MTURN: variants seen among roughly 807,000 people sequenced by gnomAD.
MTURN encodes the protein maturin, neural progenitor differentiation regulator homolog.
A neutral mutation model predicts 14.9 loss-of-function variants in MTURN; 7 were observed. That is an observed-to-expected ratio of 0.47 (90% CI 0.27 to 0.88). The LOEUF (loss-of-function observed/expected upper bound fraction) is 0.88. Ranked by LOEUF, MTURN falls within the 40% of genes least tolerant of loss-of-function variation. MTURN has a pLI of 0.14. For missense variants in MTURN, 151 were observed against 174.1 expected (o/e 0.87, Z 0.75); for synonymous variants, 69 against 72.5 (o/e 0.95, Z 0.25).
At chr7:30,143,386 A>T (rs1797083372) in intron 1 of MTURN, among the ~76,000 whole-genome samples, 1 of 142,234 alleles carries the variant, frequency 7.0e-6, no homozygotes, top group Non-Finnish European at 1.5e-5. Context: ...TGACAGACTT[A>T]ATTTTTAGTT....
At chr7:30,149,632 CTGTT>C (rs1334962275) in intron 2 of MTURN, among the ~76,000 whole-genome samples, 1 of 152,158 alleles carries the variant, frequency 6.6e-6, no homozygotes, top group African/African-American at 2.4e-5. Flanking sequence ...CACCATTTAT[CTGTT>C]TGTTTTACGT....
At chr7:30,140,415 G>GTGTGTATATATATATATATATATATATA (rs33952294) in intron 1 of MTURN, among the ~76,000 whole-genome samples, 18 of 143,814 alleles carry the variant, frequency 1.3e-4, no homozygotes, top group Non-Finnish European at 2.3e-4. Context: ...GTGTGTGTGT[G>GTGTGTATATATATATATATATATATATA]TATCCCCATT....
chr7:30,135,991 CA>C (rs1270715140), intron 1 of MTURN, among the ~76,000 whole-genome samples: 11 of 151,664 alleles, frequency 7.3e-5, no homozygotes, highest in Middle Eastern at 3.4e-3. Context: ...CACATGCTCA[CA>C]CCCTCACCCT....
chr7:30,142,463 G>A (rs763971408), intron 1 of MTURN, among the ~76,000 whole-genome samples: 1 of 152,178 alleles, frequency 6.6e-6, no homozygotes, highest in Non-Finnish European at 1.5e-5. Flanking sequence ...CAAATATGTA[G>A]TTAGCCAAAG....
rs1414154871 is a variant in MTURN at position 30,162,396 on chromosome 7, G to A, written c.*4848G>A. 2.6e-5 allele frequency: 4 copies of A among 152,366 alleles called. No homozygotes were observed. Among genetic ancestry groups the A allele is most frequent in the East Asian group, 1.9e-4 (1 of 5,188 alleles). 9.4% of individuals were successfully genotyped at this position (152,366 alleles called of 1,614,324 possible). A position where few individuals can be genotyped will look rare whatever the true frequency, so the allele number is the denominator to read the frequency against. On this transcript the variant is annotated 3_prime_UTR_variant, in exon 3 of 3. Transcript: ENST00000324453. ...ATGCTAGGGCAGATCTTCACTATCC[G>A]TGATCCAGTCTTAATTTGAGCATGA...
intron 2 of MTURN, among the ~76,000 whole-genome samples, chr7:30,157,175 A>G (rs902511123): frequency 1.3e-5 from 2 of 152,220 alleles, no homozygotes; most frequent in African/African-American, 4.8e-5. Context: ...CTCTCTGTGC[A>G]TATGTGGTGC....
At chr7:30,157,395 A>G (rs747197349) in intron 2 of MTURN, 43 bp from the exon 3 acceptor site, 9 of 1,512,472 alleles carry the variant, frequency 6.0e-6, no homozygotes, top group Middle Eastern at 3.5e-4. Flanking sequence ...CCTGTGGGCC[A>G]TTTGGCGCTC....
intron 2 of MTURN, among the ~76,000 whole-genome samples, chr7:30,152,302 T>G (rs1797223917): frequency 6.6e-6 from 1 of 152,120 alleles, no homozygotes; most frequent in Non-Finnish European, 1.5e-5. Flanking sequence ...TCAAGAAGAC[T>G]GACTGACAGA....
At chr7:30,153,897 T>C (rs1192818532) in intron 2 of MTURN, among the ~76,000 whole-genome samples, 1 of 152,096 alleles carries the variant, frequency 6.6e-6, no homozygotes, top group Non-Finnish European at 1.5e-5. Context: ...TTCATATTTT[T>C]AGTAGAGATG....
At chr7:30,151,963 G>A (rs930906044) in intron 2 of MTURN, among the ~76,000 whole-genome samples, 3 of 152,164 alleles carry the variant, frequency 2.0e-5, no homozygotes, top group African/African-American at 7.2e-5. Context: ...GGAAAATCCT[G>A]TGTCCCAGAA....
At chr7:30,146,550 G>GGC (rs141375001) in intron 2 of MTURN, among the ~76,000 whole-genome samples, 14 of 116,586 alleles carry the variant, frequency 1.2e-4, no homozygotes, top group African/African-American at 4.8e-4. Context: ...AATCCCTGAT[G>GGC]GGGGGGGAAG....
At chr7:30,136,685 T>C (rs1161835359) in intron 1 of MTURN, among the ~76,000 whole-genome samples, 3 of 152,166 alleles carry the variant, frequency 2.0e-5, no homozygotes, top group Non-Finnish European at 4.4e-5. Flanking sequence ...ACCTGGGCAT[T>C]CCACAAGTGG....
intron 2 of MTURN, among the ~76,000 whole-genome samples, chr7:30,153,864 C>T (rs190153477): frequency 1.3e-5 from 2 of 152,232 alleles, no homozygotes; most frequent in African/African-American, 4.8e-5. Context: ...ACTATAGGCA[C>T]ACGCCACCAT....
intron 1 of MTURN, among the ~76,000 whole-genome samples, chr7:30,136,009 CGCACACTCACGCGCACACGCG>C (rs1305272345): frequency 1.2e-5 from 1 of 84,258 alleles, no homozygotes; most frequent in Non-Finnish European, 2.3e-5. Context: ...CCCTCACACG[CGCACACTCACGCGCACACGCG>C]GCACGCCTCT....
At chr7:30,151,868 C>T (rs1248165283) in intron 2 of MTURN, among the ~76,000 whole-genome samples, 1 of 152,206 alleles carries the variant, frequency 6.6e-6, no homozygotes, top group East Asian at 1.9e-4. Flanking sequence ...AGAAAAATCC[C>T]CCTAATTCTG....
intron 2 of MTURN, among the ~76,000 whole-genome samples, 184 bp from the exon 3 acceptor site, chr7:30,157,254 T>A (rs1022737319): frequency 9.9e-5 from 15 of 152,184 alleles, no homozygotes; most frequent in African/African-American, 3.1e-4. Flanking sequence ...TGGGCACTAA[T>A]CCATTGAAAG....
intron 2 of MTURN, among the ~76,000 whole-genome samples, chr7:30,149,839 C>T (rs1309478864): frequency 6.6e-6 from 1 of 152,134 alleles, no homozygotes; most frequent in Non-Finnish European, 1.5e-5. Context: ...TGGGCCAGCC[C>T]CAGGAGGAGT....
chr7:30,152,717 G>A (rs1253601801), intron 2 of MTURN, among the ~76,000 whole-genome samples: 1 of 152,182 alleles, frequency 6.6e-6, no homozygotes, highest in Non-Finnish European at 1.5e-5. Context: ...CCACTGTGCT[G>A]AGTGCCCCCT....
At chr7:30,151,892 A>G (rs1256849974) in intron 2 of MTURN, among the ~76,000 whole-genome samples, 2 of 152,220 alleles carry the variant, frequency 1.3e-5, no homozygotes, top group Non-Finnish European at 2.9e-5. Context: ...CACTGGCATA[A>G]GCAAGATTGA....
Sources: gnomAD v4.1 joint callset for allele counts (sites outside exome capture counted in the v4.1 genomes callset) on GRCh38, gnomAD v4.1.1 for gene constraint, MANE v1.5 for transcripts, NCBI Gene and HGNC (gene_info 2026-07-23, HGNC 2026-07-21) for gene names.